Variants in ZNF566 observed in about 807,000 individuals in gnomAD.
ZNF566 encodes zinc finger protein 566.
ZNF566 carries 27 observed loss-of-function variants against 32.8 expected under a neutral mutation model. The ratio of observed to expected loss-of-function variants is 0.82; its 90% confidence interval spans 0.61 to 1.14. ZNF566 has a LOEUF of 1.14. Ranked by LOEUF, ZNF566 falls within the 50% of genes most tolerant of loss-of-function variation. ZNF566 has a pLI of 0.00. For synonymous variants in ZNF566, 154 were observed against 159.5 expected, an observed-to-expected ratio of 0.97 and a Z score of 0.26; for missense variants, 402 against 490.4, an observed-to-expected ratio of 0.82 and a Z score of 1.70.
At chr19:36,487,345 CG>C (rs1158426479) in intron 1 of ZNF566, among the ~76,000 whole-genome samples, 1 of 152,014 alleles carries the variant, frequency 6.6e-6, no homozygotes, top group Non-Finnish European at 1.5e-5. Context: ...AGTATTAACC[CG>C]GGAGAAAAGC....
chr19:36,463,874 T>G (rs1266123141), intron 4 of ZNF566, among the ~76,000 whole-genome samples: 4 of 151,870 alleles, frequency 2.6e-5, no homozygotes, highest in Non-Finnish European at 5.9e-5. Flanking sequence ...TACAGTTGTG[T>G]GCTATCACAC....
chr19:36,451,779 G>A (rs756158234), intron 4 of ZNF566, among the ~76,000 whole-genome samples: 12 of 152,132 alleles, frequency 7.9e-5, no homozygotes, highest in South Asian at 2.1e-4. Context: ...GGGCCGAGGC[G>A]GGCCGATCAC....
At chr19:36,451,447 T>C (rs1462825671) in intron 4 of ZNF566, among the ~76,000 whole-genome samples, 1 of 152,192 alleles carries the variant, frequency 6.6e-6, no homozygotes, top group Non-Finnish European at 1.5e-5. Flanking sequence ...ATGATCACTA[T>C]AGTAGTAATG....
chr19:36,483,256 C>A (rs1255976664), intron 1 of ZNF566, among the ~76,000 whole-genome samples: 1 of 152,134 alleles, frequency 6.6e-6, no homozygotes, highest in Non-Finnish European at 1.5e-5. Flanking sequence ...GTGTTTTTAA[C>A]ATATAAACAA....
Position 36,445,321 on chromosome 19 carries a change from T to C in ZNF566, c.*3656A>G, listed in dbSNP as rs886949139. Reference sequence around the variant, plus strand: ...GAGAAAGGTGAATAATAGTTACTTCTGGCATAACTGGTTTTATTCCTGGAT... The same window carrying C: ...GAGAAAGGTGAATAATAGTTACTTCCGGCATAACTGGTTTTATTCCTGGAT... On this transcript the variant is annotated 3_prime_UTR_variant, in exon 5 of 5. Transcript: ENST00000452939. 2.2e-4 allele frequency: 33 copies of C among 152,328 alleles called. No individual in the cohort carries two copies. The highest frequency in any genetic ancestry group is 7.7e-4 in the African/African-American group (32 of 41,578). 9.4% of individuals were successfully genotyped at this position (152,328 alleles called of 1,614,324 possible). A position where few individuals can be genotyped will look rare whatever the true frequency, so the allele number is the denominator to read the frequency against.
chr19:36,486,671 CAA>C (rs759281599), intron 1 of ZNF566, among the ~76,000 whole-genome samples: 149 of 80,916 alleles, frequency 1.8e-3, no homozygotes, highest in African/African-American at 4.3e-3. Flanking sequence ...AACTCTGTCT[CAA>C]AAAAAAAAAA....
At chr19:36,463,889 C>T (rs1327191581) in intron 4 of ZNF566, among the ~76,000 whole-genome samples, 1 of 151,882 alleles carries the variant, frequency 6.6e-6, no homozygotes, top group East Asian at 1.9e-4. Context: ...TCACACCTGG[C>T]TAGTTTTTGT....
chr19:36,454,729 C>T (rs1568511807), intron 4 of ZNF566, among the ~76,000 whole-genome samples: 2 of 152,000 alleles, frequency 1.3e-5, no homozygotes. Flanking sequence ...AGGATAGTTC[C>T]ATCAGTAATC....
chr19:36,474,709 T>C (rs1205685956), intron 2 of ZNF566, among the ~76,000 whole-genome samples: 1 of 152,174 alleles, frequency 6.6e-6, no homozygotes, highest in Non-Finnish European at 1.5e-5. Context: ...TGTGTAAAAT[T>C]ACTTTTAAAA....
chr19:36,485,448 TAA>T (rs34950405), intron 1 of ZNF566, among the ~76,000 whole-genome samples: 11,373 of 104,406 alleles, frequency 0.11, 721 homozygotes, highest in Non-Finnish European at 0.14. Context: ...CCTTGTCTAT[TAA>T]AAAAAAAAAA....
At chr19:36,471,803 C>T (rs1056265640) in intron 4 of ZNF566, among the ~76,000 whole-genome samples, 5 of 151,900 alleles carry the variant, frequency 3.3e-5, no homozygotes, top group African/African-American at 4.8e-5. Flanking sequence ...AGTGCAGTGG[C>T]GTAATCTTGG....
At chr19:36,463,924 C>G (rs760321799) in intron 4 of ZNF566, among the ~76,000 whole-genome samples, 24 of 152,004 alleles carry the variant, frequency 1.6e-4, no homozygotes, top group South Asian at 8.3e-4. Flanking sequence ...CTGGGTTTCA[C>G]CACGTTGTCC....
At position 36,473,009 on chromosome 19, in the gene ZNF566, G is replaced by A; in HGVS notation, c.137-3C>T. 1.2e-6 allele frequency: 2 copies of A among 1,609,658 alleles called. No homozygotes were observed. The highest frequency in any genetic ancestry group is 1.7e-6 in the Non-Finnish European group (2 of 1,178,376). On this transcript the variant is annotated splice_polypyrimidine_tract_variant and splice_region_variant and intron_variant, in intron 3 of 4. Transcript: ENST00000452939. ...ATTTGGTTTAGAAATAGAATGCCCT[G>A]CTTACAAAAGAAGTAACAAAACAAA...
chr19:36,489,509 T>G lies in ZNF566; in HGVS notation c.-83A>C. The G allele has an allele frequency of 2.9e-6, 1 of 345,644 alleles. No individual in the cohort carries two copies. Among genetic ancestry groups the G allele is most frequent in the South Asian group, 2.2e-5 (1 of 45,640 alleles). 21.4% of individuals were successfully genotyped at this position (345,644 alleles called of 1,614,324 possible). ...ACCAGCTTTCGAAGCAGCAGAACCC[T>G]CCCCGGCACTGGGGTAGTTGCTGGT... On this transcript the variant is annotated 5_prime_UTR_variant, in exon 1 of 5. Transcript: ENST00000452939.
chr19:36,475,100 C>G (rs2033852116), intron 2 of ZNF566, among the ~76,000 whole-genome samples: 1 of 152,194 alleles, frequency 6.6e-6, no homozygotes, highest in Non-Finnish European at 1.5e-5. Flanking sequence ...GGCCAAAGTG[C>G]AGTGGCATGA....
chr19:36,450,650 G>A (rs867333127), intron 4 of ZNF566, among the ~76,000 whole-genome samples: 1 of 151,726 alleles, frequency 6.6e-6, no homozygotes, highest in African/African-American at 2.4e-5. Flanking sequence ...TCAATAGATA[G>A]ATAAATAAAT....
intron 4 of ZNF566, among the ~76,000 whole-genome samples, chr19:36,463,282 T>A (rs993304653): frequency 6.6e-6 from 1 of 152,100 alleles, no homozygotes; most frequent in Admixed American, 6.6e-5. Flanking sequence ...CAGCTGGAAT[T>A]ATCTCTGTCT....
At chr19:36,450,559 G>A (rs1026272172) in intron 4 of ZNF566, among the ~76,000 whole-genome samples, 9 of 152,128 alleles carry the variant, frequency 5.9e-5, no homozygotes, top group African/African-American at 1.7e-4. Flanking sequence ...CACGAGAATT[G>A]CTTGAACCCG....
At chr19:36,476,685 T>C (rs2033895064) in intron 1 of ZNF566, 69 bp from the exon 2 acceptor site, 1 of 1,278,870 alleles carries the variant, frequency 7.8e-7, no homozygotes, top group Non-Finnish European at 1.1e-6. Flanking sequence ...AATGATCATT[T>C]TCCTTCTGTT....
Sources: gnomAD v4.1 joint callset for allele counts (sites outside exome capture counted in the v4.1 genomes callset) on GRCh38, gnomAD v4.1.1 for gene constraint, MANE v1.5 for transcripts, NCBI Gene and HGNC (gene_info 2026-07-23, HGNC 2026-07-21) for gene names.